The following YTHDF1 variants were observed in gnomAD, a reference collection of about 807,000 sequenced individuals.
YTHDF1 encodes YTH N6-methyladenosine RNA binding protein F1.
In YTHDF1, 16 loss-of-function variants were observed where a neutral mutation model predicts 49.1. That is an observed-to-expected ratio of 0.33 (90% CI 0.22 to 0.49). The LOEUF is 0.49. Among genes scored for constraint, YTHDF1 ranks in the 20% least tolerant of loss-of-function variants. The pLI, the probability that YTHDF1 is intolerant of heterozygous loss-of-function variation, is 0.99. For synonymous variants in YTHDF1, 313 were observed against 290.1 expected, an observed-to-expected ratio of 1.08 and a Z score of -0.80; for missense variants, 621 against 744.3, an observed-to-expected ratio of 0.83 and a Z score of 1.93.
chr20:63,202,175 A>G, intron 4 of YTHDF1, 112 bp downstream of exon 4: 2 of 1,414,132 alleles, frequency 1.4e-6, no homozygotes, highest in East Asian at 4.6e-5. Context: ...GCTGCCTGTC[A>G]CGAGACTCAG....
intron 3 of YTHDF1, among the ~76,000 whole-genome samples, chr20:63,209,044 A>G (rs1189083290): frequency 6.6e-6 from 1 of 152,248 alleles, no homozygotes; most frequent in Non-Finnish European, 1.5e-5. Flanking sequence ...TACATCAATG[A>G]TAAGTATCTG....
At chr20:63,204,322 A>T (rs1437952484) in intron 3 of YTHDF1, among the ~76,000 whole-genome samples, 2 of 152,134 alleles carry the variant, frequency 1.3e-5, no homozygotes, top group Admixed American at 1.3e-4. Context: ...CTGGGCGCCC[A>T]CCTCTGGGCC....
intron 3 of YTHDF1, among the ~76,000 whole-genome samples, chr20:63,208,289 G>A (rs1015018896): frequency 6.6e-6 from 1 of 152,124 alleles, no homozygotes; most frequent in African/African-American, 2.4e-5. Context: ...TATGTAAAAT[G>A]GAAAAGTATT....
At position 63,196,464 on chromosome 20, in the gene YTHDF1, T is replaced by C; in HGVS notation, c.*244A>G. Reference sequence around the variant, plus strand: ...TTTTAAGGATACTTACATTTCACATTAGATCAGTCTGATTGATAAGCTGAC... The same window carrying C: ...TTTTAAGGATACTTACATTTCACATCAGATCAGTCTGATTGATAAGCTGAC... On this transcript the variant is annotated 3_prime_UTR_variant, in exon 5 of 5. Transcript: ENST00000370339. 2.5e-6 allele frequency: 1 copy of C among 398,710 alleles called. No individual in the cohort carries two copies. The highest frequency in any genetic ancestry group is 4.5e-6 in the Non-Finnish European group (1 of 222,506). The allele number at this position is 398,710 out of a possible 1,614,324, so 24.7% of individuals were successfully genotyped here.
Position 63,203,176 on chromosome 20 carries a change from A to T in YTHDF1, c.764T>A (p.Val255Asp), listed in dbSNP as rs772861700. The T allele has an allele frequency of 3.7e-6, 6 of 1,613,844 alleles. No homozygotes were observed. The South Asian group carries it at 6.6e-5, about 18-fold the overall frequency. ...TGGAGGGGGCAGCCCACCCCCCATG[A>T]CAGGCCCGCTCTTTGTTTTCATTTT... is the stretch of plus-strand genomic sequence containing the variant. ...QPKMKTKSGP[V>D]MGGGLPPPPI... Residue 255 changes from valine (V) to aspartate (D), a missense_variant, in exon 4 of 5, where the codon GTC (valine) becomes GAC (aspartate). By Grantham distance (152) the Val-to-Asp change is radical. Coordinates refer to ENST00000370339, the MANE Select transcript of YTHDF1 (RefSeq NM_017798.4). This position sits in a 1 kb window ranked among gnomAD's most constrained non-coding sequence, Gnocchi z 4.4.
Position 63,216,012 on chromosome 20 carries a change from G to A in YTHDF1, c.-120C>T, listed in dbSNP as rs2066600893. Reference sequence around the variant, plus strand: ...CCCCGCCGCCAATTCCCCGGGCGCCGGCCGGGCGGCGGCGGCGGCTGCTGG... The same window carrying A: ...CCCCGCCGCCAATTCCCCGGGCGCCAGCCGGGCGGCGGCGGCGGCTGCTGG... On this transcript the variant is annotated 5_prime_UTR_variant, in exon 1 of 5. Transcript: ENST00000370339. The A allele has an allele frequency of 8.5e-6, 8 of 938,780 alleles. No individual in the cohort carries two copies. The highest frequency in any genetic ancestry group is 5.0e-4 in the Middle Eastern group (1 of 2,000). 58.2% of individuals were successfully genotyped at this position (938,780 alleles called of 1,614,324 possible). A position where few individuals can be genotyped will look rare whatever the true frequency, so the allele number is the denominator to read the frequency against.
chr20:63,204,135 G>C (rs1049147529), intron 3 of YTHDF1, among the ~76,000 whole-genome samples: 1 of 152,218 alleles, frequency 6.6e-6, no homozygotes, highest in Non-Finnish European at 1.5e-5. Context: ...TCCAGAGGTA[G>C]AGGAGTAAAC....
At chr20:63,201,564 T>C (rs1438684554) in intron 4 of YTHDF1, among the ~76,000 whole-genome samples, 1 of 152,200 alleles carries the variant, frequency 6.6e-6, no homozygotes, top group Non-Finnish European at 1.5e-5. Context: ...ACTCAGGAGT[T>C]TGGCTACAAG....
intron 4 of YTHDF1, among the ~76,000 whole-genome samples, chr20:63,197,364 C>T: frequency 6.6e-6 from 1 of 152,156 alleles, no homozygotes; most frequent in East Asian, 1.9e-4. Context: ...TAGACTGGCT[C>T]AAGGCAAAGC....
Position 63,203,436 on chromosome 20 carries a change from G to A in YTHDF1, c.504C>T (p.Gly168=), listed in dbSNP as rs554712140. 2.5e-6 allele frequency: 4 copies of A among 1,612,744 alleles called. No homozygotes were observed. In the African/African-American group the frequency reaches 5.3e-5, roughly 21 times the overall value. Residue 168 remains glycine (G), a synonymous_variant, in exon 4 of 5, where the codon GGC becomes GGT. Coordinates refer to ENST00000370339, the MANE Select transcript of YTHDF1 (RefSeq NM_017798.4). This position sits in a 1 kb window ranked among gnomAD's most constrained non-coding sequence, Gnocchi z 4.4. ...LGGTVVDGQP[G]FHSDTLSKAP... Reference sequence around the variant, plus strand: ...CCTTGCTGAGGGTGTCGCTGTGAAAGCCTGGCTGCCCATCAACCACCGTGC... The same window carrying A: ...CCTTGCTGAGGGTGTCGCTGTGAAAACCTGGCTGCCCATCAACCACCGTGC...
At chr20:63,199,146 G>GAACCTTGAGAA (rs1246992412) in intron 4 of YTHDF1, among the ~76,000 whole-genome samples, 1 of 152,228 alleles carries the variant, frequency 6.6e-6, no homozygotes, top group East Asian at 1.9e-4. Context: ...AGTCCTGAGA[G>GAACCTTGAGAA]AACCTTGAGA....
intron 2 of YTHDF1, among the ~76,000 whole-genome samples, chr20:63,214,668 TTTC>T (rs1485257719): frequency 6.6e-6 from 1 of 152,134 alleles, no homozygotes; most frequent in Admixed American, 6.5e-5. Context: ...GGCTGCATTC[TTTC>T]GAGTTTCTGA....
intron 3 of YTHDF1, among the ~76,000 whole-genome samples, chr20:63,213,612 C>G (rs899130163): frequency 6.6e-6 from 1 of 152,186 alleles, no homozygotes; most frequent in Non-Finnish European, 1.5e-5. Flanking sequence ...CCCACAAACA[C>G]TAGAGCCAAC....
intron 1 of YTHDF1, 115 bp downstream of exon 1, chr20:63,215,751 G>C (rs1487583264): frequency 7.3e-7 from 1 of 1,372,538 alleles, no homozygotes; most frequent in Non-Finnish European, 9.4e-7. Flanking sequence ...CCGAGACCCC[G>C]GTCCCGCCTG....
chr20:63,215,703 C>G, intron 1 of YTHDF1, 102 bp from the exon 2 acceptor site: 1 of 1,434,116 alleles, frequency 7.0e-7, no homozygotes, highest in South Asian at 1.5e-5. Context: ...GCCGCGAGCT[C>G]CGCCGGCCCC....
intron 3 of YTHDF1, among the ~76,000 whole-genome samples, chr20:63,205,526 T>TG (rs1568992581): frequency 2.0e-5 from 3 of 151,792 alleles, no homozygotes; most frequent in East Asian, 3.9e-4. Flanking sequence ...CTTTTTTTTT[T>TG]GGGACGAAGT....
chr20:63,196,736 T>C lies in YTHDF1; in HGVS notation c.1654-2A>G. 6.2e-7 allele frequency: 1 copy of C among 1,613,738 alleles called. No individual in the cohort carries two copies. On this transcript the variant is annotated splice_acceptor_variant, in intron 4 of 4. Coordinates refer to ENST00000370339, the MANE Select transcript of YTHDF1 (RefSeq NM_017798.4). LOFTEE classifies it high-confidence loss of function. ...TTGTTTGTTTCGACTCTGCCGTTCCTGTAAAAAGAAAAAACAAAAGTTGAA... is the reference window on the plus strand; with the variant it reads ...TTGTTTGTTTCGACTCTGCCGTTCCCGTAAAAAGAAAAAACAAAAGTTGAA...
chr20:63,198,396 G>C (rs2066502335), intron 4 of YTHDF1, among the ~76,000 whole-genome samples: 1 of 152,072 alleles, frequency 6.6e-6, no homozygotes, highest in Non-Finnish European at 1.5e-5. Flanking sequence ...AGTGAGCTGA[G>C]ATTGTGCCAC....
At chr20:63,199,974 A>G (rs1228695954) in intron 4 of YTHDF1, among the ~76,000 whole-genome samples, 1 of 152,164 alleles carries the variant, frequency 6.6e-6, no homozygotes, top group East Asian at 1.9e-4. Flanking sequence ...AGACCGCTTG[A>G]GCCCAGGAGG....
Sources: gnomAD v4.1 joint callset for allele counts (sites outside exome capture counted in the v4.1 genomes callset) on GRCh38, gnomAD v4.1.1 for gene constraint, Gnocchi (gnomAD v3.1) non-coding constraint, MANE v1.5 for transcripts, NCBI Gene and HGNC (gene_info 2026-07-23, HGNC 2026-07-21) for gene names.